Variants in TES observed in about 807,000 individuals in gnomAD.
TES encodes the protein testin.
Under a neutral mutation model 48.2 loss-of-function variants are expected in TES, and 41 were observed. The ratio of observed to expected loss-of-function variants is 0.85; its 90% CI spans 0.66 to 1.10. The LOEUF (loss-of-function observed/expected upper bound fraction) is 1.10, where lower values mean the gene tolerates loss of function less well. TES is among the 50% of genes least tolerant of loss of function. The pLI is 0.00. For missense variants in TES, 463 were observed against 515.1 expected (o/e 0.90, Z 0.98); for synonymous variants, 162 against 174.9 (o/e 0.93, Z 0.58).
chr7:116,226,048 C>G (rs991791636), intron 1 of TES, among the ~76,000 whole-genome samples: 1 of 152,098 alleles, frequency 6.6e-6, no homozygotes, highest in African/African-American at 2.4e-5. Flanking sequence ...TGTAAGTGCT[C>G]AATAAAAATC....
intron 1 of TES, chr7:116,222,965 A>T: frequency 3.0e-6 from 3 of 985,048 alleles, no homozygotes; most frequent in Non-Finnish European, 3.6e-6. Flanking sequence ...TGTCTTTCTC[A>T]AAGTAACGGA....
In TES at chr7:116,249,125, C is replaced by T; in HGVS notation, c.219C>T (p.Thr73=). The T allele has an allele frequency of 1.2e-6, 2 of 1,614,022 alleles. No individual in the cohort carries two copies. The highest frequency in any genetic ancestry group is 1.7e-6 in the Non-Finnish European group (2 of 1,179,954). The change falls in exon 3 of 7, where the codon ACC becomes ACT. Residue 73 remains threonine, a synonymous_variant. Transcript: ENST00000358204. ...AACTTTTTGAAGACACCAAGTATAC[C>T]ACTCTGATTGCAAAACTAAAGTCAG... ...VGKLFEDTKY[T]TLIAKLKSDG... is the part of the protein sequence containing the mutation.
intron 1 of TES, among the ~76,000 whole-genome samples, chr7:116,233,857 G>A (rs1425608935): frequency 6.6e-6 from 1 of 152,154 alleles, no homozygotes; most frequent in Non-Finnish European, 1.5e-5. Flanking sequence ...TCACATGGAG[G>A]AAGGTTCAGA....
chr7:116,235,809 G>A (rs1799763064), intron 2 of TES, among the ~76,000 whole-genome samples: 1 of 152,108 alleles, frequency 6.6e-6, no homozygotes, highest in Non-Finnish European at 1.5e-5. Context: ...ATCAGCTCTT[G>A]GAGATGTGTA....
intron 2 of TES, among the ~76,000 whole-genome samples, chr7:116,245,560 A>G (rs994202740): frequency 6.6e-6 from 1 of 152,070 alleles, no homozygotes; most frequent in Non-Finnish European, 1.5e-5. Flanking sequence ...TGAGCCCTCC[A>G]AGTCTCTAGG....
intron 1 of TES, among the ~76,000 whole-genome samples, chr7:116,224,456 T>C (rs929138561): frequency 2.0e-4 from 31 of 152,226 alleles, no homozygotes; most frequent in African/African-American, 7.0e-4. Flanking sequence ...GCAGATAATT[T>C]TTAGTACTAG....
chr7:116,234,638 C>T lies in TES; in HGVS notation c.113+19C>T, dbSNP rs375629061. ...TCTGGAGGTATTGTTTTGAAAACTGCAACCACATTAGTAATTTATACTTTT... is the reference window on the plus strand; with the variant it reads ...TCTGGAGGTATTGTTTTGAAAACTGTAACCACATTAGTAATTTATACTTTT... On this transcript the variant is annotated intron_variant, in intron 2 of 6. Transcript: ENST00000358204. The T allele has an allele frequency of 3.1e-6, 5 of 1,590,090 alleles. No individual in the cohort carries two copies. In the African/African-American group the frequency reaches 6.7e-5, roughly 21 times the overall value.
At chr7:116,256,538 G>A (rs568363877) in intron 6 of TES, among the ~76,000 whole-genome samples, 26 of 152,194 alleles carry the variant, frequency 1.7e-4, no homozygotes, top group African/African-American at 6.3e-4. Flanking sequence ...TATAACATAG[G>A]TTATTTATTC....
chr7:116,250,558 C>G (rs1342361278), intron 4 of TES, 62 bp downstream of exon 4: 1 of 1,325,850 alleles, frequency 7.5e-7, no homozygotes, highest in African/African-American at 1.5e-5. Context: ...TTTTCCCTTA[C>G]TTTGAACTTT....
Position 116,258,181 on chromosome 7 carries a change from T to C in TES, c.*699T>C, listed in dbSNP as rs932324520. 2.2e-5 allele frequency: 3 copies of C among 135,196 alleles called. No homozygotes were observed. The highest frequency in any genetic ancestry group is 8.5e-5 in the African/African-American group (3 of 35,456). 8.4% of individuals were successfully genotyped at this position (135,196 alleles called of 1,614,324 possible). A position where few individuals can be genotyped will look rare whatever the true frequency, so the allele number is the denominator to read the frequency against. ...GTGGCATAACAGTATCCACACTTTT[T>C]AGTTCTTTATTTTTTTTTTTTTATT... is the stretch of plus-strand genomic sequence containing the variant. On this transcript the variant is annotated 3_prime_UTR_variant, in exon 7 of 7. Coordinates refer to ENST00000358204, the MANE Select transcript of TES (RefSeq NM_015641.4).
chr7:116,214,121 A>G (rs1431732075), intron 1 of TES, among the ~76,000 whole-genome samples: 2 of 151,930 alleles, frequency 1.3e-5, no homozygotes, highest in Non-Finnish European at 2.9e-5. Context: ...TAATCCTAAT[A>G]TTTTGCATAC....
At chr7:116,231,884 C>T (rs1384222655) in intron 1 of TES, among the ~76,000 whole-genome samples, 8 of 152,032 alleles carry the variant, frequency 5.3e-5, no homozygotes, top group Admixed American at 4.6e-4. Flanking sequence ...TTTTCAGGCT[C>T]ACTTTGGAAT....
chr7:116,225,794 G>A (rs116089790), intron 1 of TES, among the ~76,000 whole-genome samples: 1,885 of 152,286 alleles, frequency 0.012, 40 homozygotes, highest in African/African-American at 0.043. Context: ...TTGGTCTTCA[G>A]TTAAAAATTC....
At chr7:116,254,934 C>T (rs1189281220) in intron 6 of TES, among the ~76,000 whole-genome samples, 3 of 151,934 alleles carry the variant, frequency 2.0e-5, no homozygotes, top group Non-Finnish European at 2.9e-5. Flanking sequence ...CAGCATGCTA[C>T]ATTATATAAA....
rs1563007748 is a variant in TES at position 116,229,018 on chromosome 7, ATATATATATATATAT to A, written c.28-5515_28-5501del. Among the ~76,000 whole-genome samples the A allele has an allele frequency of 3.7e-5, 5 of 136,142 alleles. 1 individual carries two copies. The highest frequency in any genetic ancestry group is 4.4e-4 in the East Asian group (2 of 4,532). 89.3% of individuals were successfully genotyped at this position (136,142 alleles called of 152,430 possible). A position where few individuals can be genotyped will look rare whatever the true frequency, so the allele number is the denominator to read the frequency against. On this transcript the variant is annotated intron_variant, in intron 1 of 6. Transcript: ENST00000358204. Reference sequence around the variant, plus strand: ...TATAACTATATATATATATATATATATATATATATATATATAATCATTTCCTTAATATTTGGTAAT... The same window carrying A: ...TATAACTATATATATATATATATATAAATCATTTCCTTAATATTTGGTAAT...
At chr7:116,224,525 G>A (rs1203922636) in intron 1 of TES, among the ~76,000 whole-genome samples, 1 of 151,916 alleles carries the variant, frequency 6.6e-6, no homozygotes, top group Non-Finnish European at 1.5e-5. Context: ...TTGTTCATTT[G>A]TATTTCTTGC....
intron 1 of TES, among the ~76,000 whole-genome samples, chr7:116,221,172 T>G (rs1452808648): frequency 6.6e-6 from 1 of 152,142 alleles, no homozygotes; most frequent in African/African-American, 2.4e-5. Context: ...AATGTATCCT[T>G]TTGCTAATTT....
intron 2 of TES, among the ~76,000 whole-genome samples, chr7:116,248,081 T>C (rs934052716): frequency 2.0e-5 from 3 of 152,248 alleles, no homozygotes; most frequent in Non-Finnish European, 1.5e-5. Flanking sequence ...GGTTTTCCTT[T>C]CCTGTATTAA....
intron 4 of TES, among the ~76,000 whole-genome samples, chr7:116,251,274 C>T (rs73719154): frequency 0.075 from 11,355 of 152,250 alleles, 448 homozygotes; most frequent in African/African-American, 0.091. Context: ...GCTGAGATTC[C>T]ATTTCACAGA....
Sources: allele counts gnomAD v4.1 joint callset (sites outside exome capture counted in the v4.1 genomes callset), GRCh38; gene constraint gnomAD v4.1.1; transcripts MANE v1.5; gene names NCBI Gene and HGNC (gene_info 2026-07-23, HGNC 2026-07-21).